CD74: variants seen among roughly 807,000 people sequenced by gnomAD.
The protein encoded by CD74 is CD74 molecule.
Under a neutral mutation model 37.1 loss-of-function variants are expected in CD74, and 20 were observed. The ratio of observed to expected loss-of-function variants is 0.54; its 90% CI spans 0.38 to 0.78. The LOEUF is 0.78. Among genes scored for constraint, CD74 ranks in the 30% least tolerant of loss-of-function variants. CD74 has a pLI of 0.00. For missense variants in CD74, 338 were observed against 389.5 expected, an observed-to-expected ratio of 0.87 and a Z score of 1.11; for synonymous variants, 150 against 152.0, an observed-to-expected ratio of 0.99 and a Z score of 0.10.
At position 150,405,126 on chromosome 5, in the gene CD74, G is replaced by T. The variant is rs1446824079; in HGVS notation, c.496C>A (p.Leu166Met). 1 of 1,611,226 alleles carries T rather than the reference G, an allele frequency of 6.2e-7. No homozygotes were observed. The highest frequency in any genetic ancestry group is 2.2e-5 in the East Asian group (1 of 44,838). Residue 166 changes from leucine to methionine, a missense_variant, in exon 5 of 9, where the codon CTG becomes ATG. Leu to Met is a conservative substitution (Grantham distance 15, BLOSUM62 2). Transcript: ENST00000009530. ...PPLKGSFPEN[L>M]RHLKNTMETI... ...TCCATGGTGTTCTTAAGGTGTCTCA[G>T]GTTCTCCGGGAAGCTCCCCTTCAGT...
rs1769694166 is a variant in CD74 at position 150,402,493 on chromosome 5, G to C, written c.880+70C>G. Reference sequence around the variant, plus strand: ...GGCCCAGCGTCACACTCCTTCACCTGCCCACAAAGGAGCTGGCCCTGCTGG... The same window carrying C: ...GGCCCAGCGTCACACTCCTTCACCTCCCCACAAAGGAGCTGGCCCTGCTGG... On this transcript the variant is annotated intron_variant, in intron 8 of 8. Transcript: ENST00000009530. This position sits in a 1 kb window ranked among gnomAD's most constrained non-coding sequence, Gnocchi z 4.2. 1 of 1,316,362 alleles carries C rather than the reference G, an allele frequency of 7.6e-7. No individual in the cohort carries two copies. 81.5% of individuals were successfully genotyped at this position (1,316,362 alleles called of 1,614,324 possible).
rs1329367124 is a variant in CD74 at position 150,402,996 on chromosome 5, G to A, written c.817+125C>T. 1.4e-5 allele frequency: 10 copies of A among 737,282 alleles called. No individual in the cohort carries two copies. Among genetic ancestry groups the A allele is most frequent in the African/African-American group, 3.5e-5 (2 of 57,056 alleles). The allele number at this position is 737,282 out of a possible 1,614,324, so 45.7% of individuals were successfully genotyped here. On this transcript the variant is annotated intron_variant, in intron 7 of 8. Transcript: ENST00000009530. This position sits in a 1 kb window ranked among gnomAD's most constrained non-coding sequence, Gnocchi z 4.2. ...GATAAAGGGCTGGACGCATGACTAC[G>A]TCACTGCCCCCAGGAGCTGCCATCC...
At position 150,402,622 on chromosome 5, in the gene CD74, G is replaced by A. The variant is rs2151167468; in HGVS notation, c.821C>T (p.Ser274Leu). The A allele has an allele frequency of 3.7e-6, 6 of 1,609,726 alleles. No individual in the cohort carries two copies. Among genetic ancestry groups the A allele is most frequent in the Non-Finnish European group, 5.1e-6 (6 of 1,177,854 alleles). Residue 274 changes from serine to leucine, a missense_variant, in exon 8 of 9, where the codon TCA becomes TTA. By Grantham distance (145) the Ser-to-Leu change is moderately radical. Coordinates refer to ENST00000009530, the MANE Select transcript of CD74 (RefSeq NM_001025159.3). This position sits in a 1 kb window ranked among gnomAD's most constrained non-coding sequence, Gnocchi z 4.2. ...RSRGHHNCSE[S>L]LELEDPSSGL... ...AGAAGACGGGTCCTCCAGTTCCAGT[G>A]ACTCTGCAAAGGAGCAGCAAGTCCG...
rs2151167240 is a variant in CD74, at chr5:150,402,578, G to A, written c.865C>T (p.Gln289Ter). 6.2e-7 allele frequency: 1 copy of A among 1,613,976 alleles called. No homozygotes were observed. Among genetic ancestry groups the A allele is most frequent in the South Asian group, 1.1e-5 (1 of 91,074 alleles). ...DPSSGLGVTK[Q>*]DLGPVPM The stretch of plus-strand genomic sequence containing the variant: ...AGGCCCTTACCTGGGCCCAGATCCT[G>A]CTTGGTCACACCCAGCCCAGAAGAC... Residue 289 changes from glutamine to a stop codon, truncating the protein, a stop_gained, in exon 8 of 9, where the codon CAG becomes TAG. Transcript: ENST00000009530. LOFTEE classifies it high-confidence loss of function. The surrounding 1 kb of genome is among the most constrained non-coding windows in gnomAD (Gnocchi z 4.2).
intron 1 of CD74, 45 bp downstream of exon 1, chr5:150,412,580 C>T (rs1422492483): frequency 1.4e-6 from 2 of 1,429,774 alleles, no homozygotes; most frequent in South Asian, 1.1e-5. Context: ...GCGCACGGCT[C>T]TGCAGTCCAG....
rs1770010490 is a variant in CD74 at position 150,407,066 on chromosome 5, T to C, written c.298+86A>G. 6.5e-7 allele frequency: 1 copy of C among 1,537,592 alleles called. No homozygotes were observed. The stretch of plus-strand genomic sequence containing the variant: ...ATTCCAAACCGGAGGGAGAGGACAG[T>C]GGGCCCAGCTGGGTGCAGGGATGCG... On this transcript the variant is annotated intron_variant, in intron 2 of 8. Coordinates refer to ENST00000009530, the MANE Select transcript of CD74 (RefSeq NM_001025159.3). The surrounding 1 kb of genome is among the most constrained non-coding windows in gnomAD (Gnocchi z 4.4).
In CD74 at chr5:150,412,663, T is replaced by C. The variant is rs1770417153; in HGVS notation, c.87A>G (p.Gln29=). The change falls in exon 1 of 9, where the codon CAA becomes CAG. Residue 29 remains glutamine (Q), a synonymous_variant. Coordinates refer to ENST00000009530, the MANE Select transcript of CD74 (RefSeq NM_001025159.3). Reference sequence around the variant, plus strand: ...CAGGGCGCCGGCCCAGCATGGGCAGTTGCTCATTGTTGGAGATAAGGTCGC... The same window carrying C: ...CAGGGCGCCGGCCCAGCATGGGCAGCTGCTCATTGTTGGAGATAAGGTCGC... The part of the protein sequence containing the change: ...DQRDLISNNE[Q]LPMLGRRPGA... 5.0e-6 allele frequency: 8 copies of C among 1,613,852 alleles called. No homozygotes were observed. Among genetic ancestry groups the C allele is most frequent in the Non-Finnish European group, 6.8e-6 (8 of 1,179,998 alleles).
rs1769843775 is a variant in CD74, at chr5:150,404,657, GCTA to G, written c.625+20_625+22del. On this transcript the variant is annotated intron_variant, in intron 6 of 8. Coordinates refer to ENST00000009530, the MANE Select transcript of CD74 (RefSeq NM_001025159.3). ...CCCGAGGGTCCAGAAGCCCTGGCAC[GCTA>G]AAGCTCCCACTCCCTGTACCTTTCG... The G allele has an allele frequency of 1.3e-6, 2 of 1,507,064 alleles. No individual in the cohort carries two copies. The highest frequency in any genetic ancestry group is 2.8e-5 in the African/African-American group (2 of 72,374). 93.4% of individuals were successfully genotyped at this position (1,507,064 alleles called of 1,614,324 possible).
At position 150,404,608 on chromosome 5, in the gene CD74, C is replaced by T. The variant is rs569512440; in HGVS notation, c.625+72G>A. ...TGGGACCAGGGAGTGCTGGAGGCCC[C>T]GGCCTCAGCAGCTTCAGGAGAGCCC... On this transcript the variant is annotated intron_variant, in intron 6 of 8. Transcript: ENST00000009530. 1,326 of 885,650 alleles carry T rather than the reference C, an allele frequency of 1.5e-3. 2 individuals carry two copies. The highest frequency in any genetic ancestry group is 2.3e-3 in the Non-Finnish European group (1,240 of 548,784). The allele number at this position is 885,650 out of a possible 1,614,324, so 54.9% of individuals were successfully genotyped here.
Position 150,402,284 on chromosome 5 carries a change from C to T in CD74, c.881-34G>A, listed in dbSNP as rs2151165999. 6.6e-7 allele frequency: 1 copy of T among 1,519,148 alleles called. No homozygotes were observed. The highest frequency in any genetic ancestry group is 9.1e-7 in the Non-Finnish European group (1 of 1,103,090). The allele number at this position is 1,519,148 out of a possible 1,614,324, so 94.1% of individuals were successfully genotyped here. A position where few individuals can be genotyped will look rare whatever the true frequency, so the allele number is the denominator to read the frequency against. On this transcript the variant is annotated intron_variant, in intron 8 of 8. Transcript: ENST00000009530. The surrounding 1 kb of genome is among the most constrained non-coding windows in gnomAD (Gnocchi z 4.2). ...AGAAGCAGCAGGTTGAGGTTGGGGT[C>T]ACCCATTTGTTGTCCCTGCCCCTTT...
Position 150,406,252 on chromosome 5 carries a change from C to T in CD74, c.441+7G>A, listed in dbSNP as rs759253134. 1.9e-6 allele frequency: 3 copies of T among 1,612,658 alleles called. No individual in the cohort carries two copies. The highest frequency in any genetic ancestry group is 2.5e-6 in the Non-Finnish European group (3 of 1,179,002). On this transcript the variant is annotated splice_region_variant and intron_variant, in intron 4 of 8. Coordinates refer to ENST00000009530, the MANE Select transcript of CD74 (RefSeq NM_001025159.3). ...GCAGGACCACCCAGCTAGCTCCCTGCACTCACCTGGAGCAGGTGCATCACA... is the reference window on the plus strand; with the variant it reads ...GCAGGACCACCCAGCTAGCTCCCTGTACTCACCTGGAGCAGGTGCATCACA...
At position 150,406,887 on chromosome 5, in the gene CD74, G is replaced by T; in HGVS notation, c.372C>A (p.Pro124=). Residue 124 remains proline, a synonymous_variant, in exon 3 of 9, where the codon CCC becomes CCA. Coordinates refer to ENST00000009530, the MANE Select transcript of CD74 (RefSeq NM_001025159.3). Reference sequence around the variant, plus strand: ...ACCCTGGGGCTGTCCTTACCCCCTGGGGCAGGGCTCCCATGGGCAGCGCCT... The same window carrying T: ...ACCCTGGGGCTGTCCTTACCCCCTGTGGCAGGGCTCCCATGGGCAGCGCCT... ...LMQALPMGAL[P]QGPMQNATKY... 1 of 1,506,414 alleles carries T rather than the reference G, an allele frequency of 6.6e-7. No homozygotes were observed. The highest frequency in any genetic ancestry group is 2.3e-5 in the East Asian group (1 of 43,210). The allele number at this position is 1,506,414 out of a possible 1,614,324, so 93.3% of individuals were successfully genotyped here.
At position 150,402,147 on chromosome 5, in the gene CD74, G is replaced by A. The variant is rs1769657252; in HGVS notation, c.*93C>T. 1.3e-6 allele frequency: 2 copies of A among 1,552,676 alleles called. No individual in the cohort carries two copies. Among genetic ancestry groups the A allele is most frequent in the Non-Finnish European group, 1.7e-6 (2 of 1,147,412 alleles). ...AGGGTCTCATGGGATGAGGTACAGGGTGGGAGATGGGGGAGGGGCTGGGGG... is the reference window on the plus strand; with the variant it reads ...AGGGTCTCATGGGATGAGGTACAGGATGGGAGATGGGGGAGGGGCTGGGGG... On this transcript the variant is annotated 3_prime_UTR_variant, in exon 9 of 9. Transcript: ENST00000009530. This position sits in a 1 kb window ranked among gnomAD's most constrained non-coding sequence, Gnocchi z 4.2.
intron 5 of CD74, 113 bp from the exon 6 acceptor site, chr5:150,404,880 C>G (rs1021794946): frequency 1.2e-6 from 1 of 844,794 alleles, no homozygotes; most frequent in Non-Finnish European, 1.9e-6. Flanking sequence ...CCCCAACACC[C>G]GGGTCCAGCT....
Position 150,401,939 on chromosome 5 carries a change from T to C in CD74, c.*301A>G. The C allele has an allele frequency of 1.0e-6, 1 of 964,540 alleles. No individual in the cohort carries two copies. The highest frequency in any genetic ancestry group is 1.4e-5 in the South Asian group (1 of 72,800). 59.7% of individuals were successfully genotyped at this position (964,540 alleles called of 1,614,324 possible). On this transcript the variant is annotated 3_prime_UTR_variant, in exon 9 of 9. Coordinates refer to ENST00000009530, the MANE Select transcript of CD74 (RefSeq NM_001025159.3). ...CCATCTCGTCCATGAGCCTAGGTCT[T>C]GGAGCCTTGTGTTGGAGGCTGCTGT...
intron 1 of CD74, among the ~76,000 whole-genome samples, chr5:150,411,126 A>G (rs922379154): frequency 3.9e-5 from 6 of 152,238 alleles, no homozygotes; most frequent in Non-Finnish European, 8.8e-5. Flanking sequence ...GGACAACAAA[A>G]GTACCTGATT....
chr5:150,408,749 G>T (rs1400600446), intron 1 of CD74, among the ~76,000 whole-genome samples: 1 of 152,184 alleles, frequency 6.6e-6, no homozygotes, highest in Non-Finnish European at 1.5e-5. Context: ...CGACCCCAGG[G>T]GTGGGACTAC....
intron 1 of CD74, among the ~76,000 whole-genome samples, chr5:150,410,961 A>T (rs1357408277): frequency 6.6e-6 from 1 of 152,160 alleles, no homozygotes; most frequent in Non-Finnish European, 1.5e-5. Flanking sequence ...CTTCCCACAA[A>T]ATGCACCTCT....
intron 1 of CD74, among the ~76,000 whole-genome samples, chr5:150,408,540 A>G (rs1358484753): frequency 6.6e-6 from 1 of 152,214 alleles, no homozygotes; most frequent in African/African-American, 2.4e-5. Flanking sequence ...GGGGGTGGGC[A>G]GGAGTATAGG....
Sources: gnomAD v4.1 joint callset for allele counts (sites outside exome capture counted in the v4.1 genomes callset) on GRCh38, gnomAD v4.1.1 for gene constraint, Gnocchi (gnomAD v3.1) non-coding constraint, MANE v1.5 for transcripts, NCBI Gene and HGNC (gene_info 2026-07-23, HGNC 2026-07-21) for gene names.